The following NFASC variants were observed in gnomAD, a reference collection of about 807,000 sequenced individuals.
NFASC encodes neurofascin homolog.
A neutral mutation model predicts 147.5 loss-of-function variants in NFASC; 43 were observed. The ratio of observed to expected loss-of-function variants is 0.29; its 90% CI spans 0.23 to 0.38. The LOEUF is 0.38. Ranked by LOEUF, NFASC falls within the 10% of genes least tolerant of loss-of-function variation. NFASC has a pLI of 1.00. For synonymous variants in NFASC, 622 were observed against 665.5 expected, an observed-to-expected ratio of 0.93 and a Z score of 1.01; for missense variants, 1,320 against 1,689.0, an observed-to-expected ratio of 0.78 and a Z score of 3.83.
chr1:204,979,050 T>G lies in NFASC; in HGVS notation c.1959T>G (p.Ala653=). Residue 653 remains alanine, a synonymous_variant, in exon 18 of 30, where the codon GCT becomes GCG. Coordinates refer to ENST00000339876, the MANE Select transcript of NFASC (RefSeq NM_001005388.3). The surrounding 1 kb of genome is among the most constrained non-coding windows in gnomAD (Gnocchi z 6.0). The part of the protein sequence containing the change: ...SVRLTWIPGD[A]NNSPITDYVV... ...GGCTGACCTGGATCCCCGGGGATGC[T>G]AACAACAGCCCCATCACAGGTAGCT... The G allele has an allele frequency of 6.4e-7, 1 of 1,562,142 alleles. No homozygotes were observed. The highest frequency in any genetic ancestry group is 1.2e-5 in the South Asian group (1 of 84,734).
chr1:204,969,770 C>G (rs1434797924), intron 10 of NFASC, among the ~76,000 whole-genome samples: 1 of 152,072 alleles, frequency 6.6e-6, no homozygotes, highest in African/African-American at 2.4e-5. Flanking sequence ...AACAACTGAA[C>G]AAGGTGGCCA....
At chr1:204,876,836 C>T (rs1052171948) in intron 1 of NFASC, among the ~76,000 whole-genome samples, 4 of 151,144 alleles carry the variant, frequency 2.6e-5, no homozygotes, top group African/African-American at 4.9e-5. Flanking sequence ...ACTGAAGAAT[C>T]GTGGGACTCA....
chr1:204,953,576 G>A (rs1036567106), intron 5 of NFASC, among the ~76,000 whole-genome samples: 4 of 152,218 alleles, frequency 2.6e-5, no homozygotes, highest in South Asian at 2.1e-4. Context: ...GATTACAGGC[G>A]TGAGCCACCG....
intron 1 of NFASC, among the ~76,000 whole-genome samples, chr1:204,878,375 A>G (rs2079454533): frequency 1.3e-5 from 2 of 152,236 alleles, no homozygotes; most frequent in Admixed American, 1.3e-4. Context: ...CGTTAAAAAA[A>G]CATAATGGCA....
chr1:204,995,068 C>T (rs1469083701), intron 24 of NFASC, among the ~76,000 whole-genome samples: 1 of 152,100 alleles, frequency 6.6e-6, no homozygotes, highest in Non-Finnish European at 1.5e-5. Flanking sequence ...TACAGTAAGC[C>T]ATGATCACAC....
chr1:205,016,680 A>G lies in NFASC; in HGVS notation c.*141A>G. The G allele has an allele frequency of 1.4e-6, 1 of 711,142 alleles. No individual in the cohort carries two copies. The highest frequency in any genetic ancestry group is 2.5e-6 in the Non-Finnish European group (1 of 394,914). The allele number at this position is 711,142 out of a possible 1,614,324, so 44.1% of individuals were successfully genotyped here. On this transcript the variant is annotated 3_prime_UTR_variant, in exon 30 of 30. Transcript: ENST00000339876. This position sits in a 1 kb window ranked among gnomAD's most constrained non-coding sequence, Gnocchi z 5.1. ...TATGGGGGTCTGCCAAGCTGTGAGG[A>G]CCAGTAGCCACCAAGCCACCCACAA...
At chr1:204,843,979 C>G (rs967037595) in intron 1 of NFASC, among the ~76,000 whole-genome samples, 9 of 152,160 alleles carry the variant, frequency 5.9e-5, no homozygotes, top group South Asian at 4.2e-4. Context: ...CTCAGGTGAT[C>G]CGCTTGCTTC....
intron 1 of NFASC, among the ~76,000 whole-genome samples, chr1:204,836,776 G>T (rs182924592): frequency 1.3e-5 from 2 of 152,238 alleles, no homozygotes; most frequent in Non-Finnish European, 2.9e-5. Context: ...ATATCTTTCC[G>T]ATTATCATCA....
intron 1 of NFASC, among the ~76,000 whole-genome samples, chr1:204,879,022 G>T (rs986602639): frequency 6.6e-6 from 1 of 152,148 alleles, no homozygotes; most frequent in Admixed American, 6.5e-5. Context: ...AAAAAAGAAG[G>T]TTATTTGAGG....
intron 1 of NFASC, among the ~76,000 whole-genome samples, chr1:204,869,247 G>A (rs2077374666): frequency 6.6e-6 from 1 of 152,208 alleles, no homozygotes; most frequent in African/African-American, 2.4e-5. Context: ...CTGTCCCAAA[G>A]GGCTGCCCCG....
chr1:204,858,584 C>T (rs904476299), intron 1 of NFASC, among the ~76,000 whole-genome samples: 25 of 152,114 alleles, frequency 1.6e-4, no homozygotes, highest in African/African-American at 5.8e-4. Context: ...GGCAGGAGGG[C>T]GTTGTCATGG....
At chr1:204,914,403 C>T (rs1325904865) in intron 1 of NFASC, among the ~76,000 whole-genome samples, 1 of 152,200 alleles carries the variant, frequency 6.6e-6, no homozygotes. Flanking sequence ...CTTCACTCAG[C>T]TCTCATTCTT....
At chr1:204,905,370 G>GT (rs34545947) in intron 1 of NFASC, among the ~76,000 whole-genome samples, 1,605 of 146,876 alleles carry the variant, frequency 0.011, 22 homozygotes, top group African/African-American at 0.033. Context: ...GTTATTTTCA[G>GT]TTTTTTTTTT....
intron 1 of NFASC, among the ~76,000 whole-genome samples, chr1:204,843,653 TCC>T (rs1676112613): frequency 2.0e-5 from 2 of 101,510 alleles, no homozygotes; most frequent in African/African-American, 7.6e-5. Flanking sequence ...CCTCCCTCCC[TCC>T]CTTCCTTCCT....
At chr1:204,881,231 T>C (rs1049097205) in intron 1 of NFASC, among the ~76,000 whole-genome samples, 3 of 152,128 alleles carry the variant, frequency 2.0e-5, no homozygotes, top group African/African-American at 7.2e-5. Context: ...GACCAGCAGA[T>C]GCATCTGTTG....
rs16854857 is a variant in NFASC, at chr1:204,980,029, G to C, written c.2177-341G>C. 5.5e-3 allele frequency among the ~76,000 whole-genome samples: 834 copies of C among 152,352 alleles called. 12 individuals are homozygous for C. The highest frequency in any genetic ancestry group is 0.01 in the South Asian group (50 of 4,826). ...AATGTTAAATGCCAGGGATAAGCCA[G>C]TCTGGTATGAAACACATTTAGTGGA... On this transcript the variant is annotated intron_variant, in intron 19 of 29. Transcript: ENST00000339876.
At chr1:204,927,600 C>T (rs1034842176) in intron 2 of NFASC, among the ~76,000 whole-genome samples, 26 of 152,110 alleles carry the variant, frequency 1.7e-4, no homozygotes, top group African/African-American at 5.3e-4. Flanking sequence ...AAAGTATACT[C>T]TATAAAAAAT....
chr1:204,995,052 C>T (rs538236697), intron 24 of NFASC, among the ~76,000 whole-genome samples: 1 of 151,946 alleles, frequency 6.6e-6, no homozygotes, highest in Non-Finnish European at 1.5e-5. Flanking sequence ...CCTGGGAGGT[C>T]GAGGCTACAG....
chr1:205,009,933 C>G lies in NFASC; in HGVS notation c.3421+245C>G, dbSNP rs1204574568. On this transcript the variant is annotated intron_variant, in intron 28 of 29. Coordinates refer to ENST00000339876, the MANE Select transcript of NFASC (RefSeq NM_001005388.3). ...GCCTCAGAGAGGGGATGGAAGGAAC[C>G]CTGGCTCCTATTAAGAATGACCTTT... The G allele has an allele frequency of 2.9e-5, 16 of 545,682 alleles. No individual in the cohort carries two copies. In the East Asian group the frequency reaches 4.9e-4, roughly 17 times the overall value. The allele number at this position is 545,682 out of a possible 1,614,324, so 33.8% of individuals were successfully genotyped here.
Sources: allele counts gnomAD v4.1 joint callset (sites outside exome capture counted in the v4.1 genomes callset), GRCh38; gene constraint gnomAD v4.1.1; non-coding constraint Gnocchi (gnomAD v3.1); transcripts MANE v1.5; gene names NCBI Gene and HGNC (gene_info 2026-07-23, HGNC 2026-07-21).